PIWIL4: variants seen among roughly 807,000 people sequenced by gnomAD.
The protein encoded by PIWIL4 is piwi like RNA-mediated gene silencing 4, also known as piwi-like protein 4.
Under a neutral mutation model 100.9 loss-of-function variants are expected in PIWIL4, and 50 were observed. The observed-to-expected ratio is 0.50, with a 90% CI of 0.39 to 0.63. PIWIL4 has a LOEUF of 0.63. Ranked by LOEUF, PIWIL4 falls within the 20% of genes least tolerant of loss-of-function variation. The probability of loss-of-function intolerance (pLI) is 0.00; values close to 1 mark genes in which losing one functional copy is unlikely to be tolerated. For missense variants in PIWIL4, 887 were observed against 1,043.3 expected (o/e 0.85, Z 2.06); for synonymous variants, 342 against 367.5 (o/e 0.93, Z 0.79).
chr11:94,588,030 T>A (rs1381189996), intron 7 of PIWIL4, among the ~76,000 whole-genome samples: 2 of 152,162 alleles, frequency 1.3e-5, no homozygotes, highest in Non-Finnish European at 2.9e-5. Context: ...TGTGCCATGG[T>A]GGTTTGCTGC....
chr11:94,586,918 A>G, intron 6 of PIWIL4, 132 bp from the exon 7 acceptor site: 1 of 906,146 alleles, frequency 1.1e-6, no homozygotes, highest in Non-Finnish European at 1.6e-6. Flanking sequence ...AACTGGAAGA[A>G]ATCAGACTAA....
intron 11 of PIWIL4, among the ~76,000 whole-genome samples, chr11:94,599,162 A>G (rs148931651): frequency 1.3e-5 from 2 of 152,368 alleles, no homozygotes; most frequent in East Asian, 3.8e-4. Context: ...TTCAGTAAAG[A>G]GAAGCTCAGT....
intron 4 of PIWIL4, among the ~76,000 whole-genome samples, chr11:94,581,624 A>G (rs1311818966): frequency 6.6e-6 from 1 of 152,176 alleles, no homozygotes; most frequent in Non-Finnish European, 1.5e-5. Context: ...ATCACATCCT[A>G]TTGAATGGTT....
chr11:94,598,568 A>G (rs764109567), intron 11 of PIWIL4, among the ~76,000 whole-genome samples: 15 of 152,066 alleles, frequency 9.9e-5, no homozygotes, highest in Non-Finnish European at 2.1e-4. Flanking sequence ...CGTTTTGCCC[A>G]CTTTAAAACA....
rs2135227233 is a variant in PIWIL4, at chr11:94,567,528, A to G, written c.10A>G (p.Arg4Gly). Residue 4 changes from arginine to glycine, a missense_variant, in exon 1 of 20, where the codon AGA becomes GGA. Transcript: ENST00000299001. ...TGGGCTCACCGGGAACATGAGTGGA[A>G]GAGCCCGAGTGAAGGCCAGAGGCAT... is the stretch of plus-strand genomic sequence containing the variant. MSG[R>G]ARVKARGIAR... The G allele has an allele frequency of 6.3e-7, 1 of 1,599,340 alleles. No individual in the cohort carries two copies. The highest frequency in any genetic ancestry group is 8.5e-7 in the Non-Finnish European group (1 of 1,173,244).
rs1948444898 is a variant in PIWIL4, at chr11:94,589,145, T to C, written c.939T>C (p.Ile313=). ...GATACAATAACAGAACCTACTCCAT[T>C]GATGACATTGACTGGTCAGTGAAGC... is the stretch of plus-strand genomic sequence containing the variant. ...LTRYNNRTYS[I]DDIDWSVKPT... is the part of the protein sequence containing the mutation. Residue 313 remains isoleucine (I), a synonymous_variant, in exon 8 of 20, where the codon ATT becomes ATC. Transcript: ENST00000299001. 1 of 1,612,036 alleles carries C rather than the reference T, an allele frequency of 6.2e-7. No homozygotes were observed. Among genetic ancestry groups the C allele is most frequent in the Middle Eastern group, 1.6e-4 (1 of 6,062 alleles).
chr11:94,589,586 A>G (rs1388836827), intron 8 of PIWIL4, among the ~76,000 whole-genome samples: 1 of 151,982 alleles, frequency 6.6e-6, no homozygotes, highest in Non-Finnish European at 1.5e-5. Flanking sequence ...TTAAAGCCTC[A>G]TCTCTTCCCA....
Position 94,585,529 on chromosome 11 carries a change from G to A in PIWIL4, c.716+4G>A, listed in dbSNP as rs372828080. The A allele has an allele frequency of 9.0e-5, 143 of 1,591,702 alleles. No individual in the cohort carries two copies. Among genetic ancestry groups the A allele is most frequent in the Admixed American group, 5.2e-4 (30 of 57,664 alleles). On this transcript the variant is annotated splice_donor_region_variant and intron_variant, in intron 6 of 19. Transcript: ENST00000299001. The stretch of plus-strand genomic sequence containing the variant: ...CAATGGAAATTCCCCAGCACAAGTA[G>A]GTTTATTTATATTTTCTGTTACTCC...
At chr11:94,579,202 CGTTT>C (rs1421243444) in intron 4 of PIWIL4, among the ~76,000 whole-genome samples, 1 of 152,042 alleles carries the variant, frequency 6.6e-6, no homozygotes, top group Non-Finnish European at 1.5e-5. Context: ...CTAGAATTGC[CGTTT>C]ATTTAACTAC....
intron 15 of PIWIL4, 124 bp from the exon 16 acceptor site, chr11:94,616,367 AAC>A (rs1948846348): frequency 2.5e-6 from 2 of 788,434 alleles, no homozygotes; most frequent in Admixed American, 5.6e-5. Context: ...GTGAACACAT[AAC>A]ACATACAAAA....
chr11:94,607,940 C>CT (rs889100323), intron 14 of PIWIL4, among the ~76,000 whole-genome samples: 2 of 152,152 alleles, frequency 1.3e-5, no homozygotes, highest in African/African-American at 4.8e-5. Context: ...GGTGCTAACT[C>CT]TGAGAATAGC....
rs563620633 is a variant in PIWIL4, at chr11:94,587,354, A to G, written c.914+107A>G. On this transcript the variant is annotated intron_variant, in intron 7 of 19. Transcript: ENST00000299001. ...TGGCCCAATATCACAGATCTAATCC[A>G]TTTACTCATCTGTTTAGAAGACCTG... 5.2e-6 allele frequency: 6 copies of G among 1,163,406 alleles called. No individual in the cohort carries two copies. In the Admixed American group the frequency reaches 1.0e-4, roughly 20 times the overall value. 72.1% of individuals were successfully genotyped at this position (1,163,406 alleles called of 1,614,324 possible). A position where few individuals can be genotyped will look rare whatever the true frequency, so the allele number is the denominator to read the frequency against.
At chr11:94,597,777 A>C in intron 10 of PIWIL4, 27 bp from the exon 11 acceptor site, 1 of 1,503,342 alleles carries the variant, frequency 6.7e-7, no homozygotes, top group Non-Finnish European at 9.2e-7. Flanking sequence ...ATCTCTCTTT[A>C]ATGATTTAAA....
At chr11:94,590,214 T>C (rs1390397480) in intron 8 of PIWIL4, among the ~76,000 whole-genome samples, 1 of 152,226 alleles carries the variant, frequency 6.6e-6, no homozygotes, top group Non-Finnish European at 1.5e-5. Flanking sequence ...CAGTCTGGTA[T>C]CCAGTTATGC....
intron 6 of PIWIL4, 97 bp downstream of exon 6, chr11:94,585,622 ACT>A: frequency 1.2e-6 from 1 of 819,040 alleles, no homozygotes; most frequent in South Asian, 2.3e-5. Context: ...CCTGTGAGAG[ACT>A]CTGTGATATG....
Position 94,567,646 on chromosome 11 carries a change from A to G in PIWIL4, c.87+41A>G, listed in dbSNP as rs536816303. The G allele has an allele frequency of 2.0e-6, 3 of 1,534,214 alleles. No homozygotes were observed. In the African/African-American group the frequency reaches 4.1e-5, roughly 21 times the overall value. ...ATTGCGCATGGTTTCGTTTTCTCCT[A>G]CCTCTGTCTCTAGCCTGAACAATGC... On this transcript the variant is annotated intron_variant, in intron 1 of 19. Coordinates refer to ENST00000299001, the MANE Select transcript of PIWIL4 (RefSeq NM_152431.3).
intron 9 of PIWIL4, 58 bp downstream of exon 9, chr11:94,593,699 G>A (rs903807599): frequency 1.3e-5 from 20 of 1,577,178 alleles, no homozygotes; most frequent in Admixed American, 1.8e-5. Context: ...CTGATGCTTG[G>A]CAGTGGGCAG....
chr11:94,617,822 C>G (rs1591807637), intron 16 of PIWIL4, 132 bp from the exon 17 acceptor site: 4 of 903,596 alleles, frequency 4.4e-6, no homozygotes, highest in East Asian at 5.3e-5. Flanking sequence ...AAATATAACC[C>G]AAATTATGTA....
intron 8 of PIWIL4, among the ~76,000 whole-genome samples, chr11:94,591,404 T>G (rs914093844): frequency 1.3e-5 from 2 of 152,246 alleles, no homozygotes; most frequent in Admixed American, 1.3e-4. Context: ...GAGCAAGCTG[T>G]TCTCCTTTCT....
Sources: gnomAD v4.1 joint callset for allele counts (sites outside exome capture counted in the v4.1 genomes callset) on GRCh38, gnomAD v4.1.1 for gene constraint, MANE v1.5 for transcripts, NCBI Gene and HGNC (gene_info 2026-07-23, HGNC 2026-07-21) for gene names.